DYNC1I1: variants seen among roughly 807,000 people sequenced by gnomAD.
DYNC1I1 encodes the protein cytoplasmic dynein 1 intermediate chain 1.
In DYNC1I1, 43 loss-of-function variants were observed where a neutral mutation model predicts 86.6. The observed-to-expected ratio is 0.50, with a 90% confidence interval of 0.39 to 0.64. DYNC1I1 has a LOEUF of 0.64. Ranked by LOEUF, DYNC1I1 falls within the 30% of genes least tolerant of loss-of-function variation. DYNC1I1 has a pLI of 0.00. For missense variants in DYNC1I1, 604 were observed against 788.8 expected, an observed-to-expected ratio of 0.77 and a Z score of 2.81; for synonymous variants, 262 against 283.7, an observed-to-expected ratio of 0.92 and a Z score of 0.77.
At chr7:95,961,224 G>A (rs1350635672) in intron 6 of DYNC1I1, among the ~76,000 whole-genome samples, 2 of 152,152 alleles carry the variant, frequency 1.3e-5, no homozygotes, top group African/African-American at 4.8e-5. Flanking sequence ...CATGGGTAGT[G>A]GAGAGAGCAC....
intron 1 of DYNC1I1, among the ~76,000 whole-genome samples, chr7:95,789,786 A>T (rs1794244884): frequency 6.6e-6 from 1 of 152,244 alleles, no homozygotes; most frequent in Non-Finnish European, 1.5e-5. Context: ...TAAATTTAGA[A>T]TTAAAAATTT....
chr7:95,829,551 A>G (rs1028863177), intron 5 of DYNC1I1, among the ~76,000 whole-genome samples: 2 of 152,188 alleles, frequency 1.3e-5, no homozygotes, highest in African/African-American at 4.8e-5. Flanking sequence ...GGCAGGGGAA[A>G]GAACTGGCAG....
chr7:95,774,651 G>C lies in DYNC1I1; in HGVS notation c.-10+1878G>C, dbSNP rs4727325. ...GTTTTATATCTCAGAGAAGGCTCTA[G>C]GGTCTTTCTTCCCAATCCCTCTGCT... On this transcript the variant is annotated intron_variant, in intron 1 of 16. Coordinates refer to ENST00000447467, the MANE Select transcript of DYNC1I1 (RefSeq NM_001135556.2). Among the ~76,000 whole-genome samples, 958 of 152,258 alleles carry C rather than the reference G, an allele frequency of 6.3e-3. 21 individuals are homozygous for C. Among genetic ancestry groups the C allele is most frequent in the East Asian group, 0.018 (94 of 5,166 alleles).
At chr7:95,850,438 C>CT (rs1339090543) in intron 5 of DYNC1I1, among the ~76,000 whole-genome samples, 2 of 152,058 alleles carry the variant, frequency 1.3e-5, no homozygotes, top group Non-Finnish European at 2.9e-5. Flanking sequence ...TTGCCAACTG[C>CT]TCTTTTTGCA....
chr7:95,837,256 G>A (rs1449318981), intron 5 of DYNC1I1, among the ~76,000 whole-genome samples: 6 of 152,046 alleles, frequency 3.9e-5, no homozygotes, highest in South Asian at 2.1e-4. Context: ...CCCTGCTGGG[G>A]GGTGCCTCCC....
chr7:95,989,936 G>T (rs1354847302), intron 9 of DYNC1I1, among the ~76,000 whole-genome samples: 1 of 152,106 alleles, frequency 6.6e-6, no homozygotes, highest in Non-Finnish European at 1.5e-5. Context: ...AGATGCAATC[G>T]AATGATATTA....
chr7:95,801,877 G>GAAGATCT (rs1383610186), intron 1 of DYNC1I1, among the ~76,000 whole-genome samples: 4 of 152,302 alleles, frequency 2.6e-5, no homozygotes, highest in Non-Finnish European at 4.4e-5. Context: ...AAAAAGATCA[G>GAAGATCT]AAGATCTAAC....
intron 6 of DYNC1I1, among the ~76,000 whole-genome samples, chr7:95,961,930 T>C (rs914439498): frequency 2.0e-5 from 3 of 152,334 alleles, no homozygotes; most frequent in Non-Finnish European, 4.4e-5. Context: ...TGTCTTCCCT[T>C]GACCTTGAAT....
intron 6 of DYNC1I1, among the ~76,000 whole-genome samples, chr7:95,909,078 A>G (rs1183606768): frequency 2.6e-5 from 4 of 151,478 alleles, no homozygotes; most frequent in African/African-American, 7.3e-5. Flanking sequence ...GACTGATGAA[A>G]TACCAAAGAG....
At chr7:95,794,471 G>A (rs1444568527) in intron 1 of DYNC1I1, among the ~76,000 whole-genome samples, 1 of 152,194 alleles carries the variant, frequency 6.6e-6, no homozygotes, top group Non-Finnish European at 1.5e-5. Context: ...TTGGTGGAAT[G>A]CACCATAGGG....
chr7:95,790,910 C>T (rs929194047), intron 1 of DYNC1I1, among the ~76,000 whole-genome samples: 3 of 152,170 alleles, frequency 2.0e-5, no homozygotes, highest in Non-Finnish European at 4.4e-5. Flanking sequence ...TTCCACTCAT[C>T]ATGACCCCAA....
At chr7:96,016,759 AAG>A (rs1268215705) in intron 10 of DYNC1I1, among the ~76,000 whole-genome samples, 1 of 152,200 alleles carries the variant, frequency 6.6e-6, no homozygotes, top group Non-Finnish European at 1.5e-5. Flanking sequence ...TCTGTCAAGA[AAG>A]AGAAGGAAGT....
intron 10 of DYNC1I1, among the ~76,000 whole-genome samples, chr7:96,003,873 CCTCTG>C (rs1054584849): frequency 6.6e-6 from 1 of 151,934 alleles, no homozygotes; most frequent in Admixed American, 6.6e-5. Flanking sequence ...GCTTTTTCTC[CCTCTG>C]CAAACTAGGT....
intron 1 of DYNC1I1, among the ~76,000 whole-genome samples, chr7:95,796,101 A>G (rs146938502): frequency 0.01 from 1,530 of 152,190 alleles, 12 homozygotes; most frequent in Non-Finnish European, 0.014. Context: ...AAAAAATCAC[A>G]CAAACATAAA....
intron 16 of DYNC1I1, among the ~76,000 whole-genome samples, chr7:96,106,340 C>T (rs1299606853): frequency 3.9e-5 from 6 of 152,158 alleles, no homozygotes; most frequent in Non-Finnish European, 7.4e-5. Context: ...TTGAGAGCAA[C>T]CTGACCAACA....
intron 6 of DYNC1I1, among the ~76,000 whole-genome samples, chr7:95,924,891 T>C (rs964522371): frequency 1.3e-5 from 2 of 152,120 alleles, no homozygotes; most frequent in African/African-American, 4.8e-5. Context: ...TAGAGTCTCT[T>C]AGGTGACTAT....
chr7:95,942,498 G>A (rs1584184255), intron 6 of DYNC1I1, among the ~76,000 whole-genome samples: 1 of 152,140 alleles, frequency 6.6e-6, no homozygotes, highest in South Asian at 2.1e-4. Context: ...TAGAAAAAGA[G>A]GGAATCCTCC....
At chr7:96,107,628 T>C (rs546432817) in intron 16 of DYNC1I1, among the ~76,000 whole-genome samples, 27 of 151,666 alleles carry the variant, frequency 1.8e-4, no homozygotes, top group African/African-American at 6.5e-4. Context: ...ACCTCCTGGG[T>C]TCAAGGGATT....
chr7:95,976,157 T>C (rs1210914137), intron 6 of DYNC1I1, among the ~76,000 whole-genome samples: 5 of 152,250 alleles, frequency 3.3e-5, no homozygotes, highest in African/African-American at 1.2e-4. Context: ...TAAATGTCAG[T>C]TCTTTAAAAT....
Sources: allele counts gnomAD v4.1 joint callset (sites outside exome capture counted in the v4.1 genomes callset), GRCh38; gene constraint gnomAD v4.1.1; transcripts MANE v1.5; gene names NCBI Gene and HGNC (gene_info 2026-07-23, HGNC 2026-07-21).